Variants in VPS13B observed in about 807,000 individuals in gnomAD.
The protein encoded by VPS13B is intermembrane lipid transfer protein VPS13B.
A neutral mutation model predicts 426.4 loss-of-function variants in VPS13B; 285 were observed. That is an observed-to-expected ratio of 0.67 (90% CI 0.61 to 0.74). The LOEUF (loss-of-function observed/expected upper bound fraction) is 0.74. Ranked by LOEUF, VPS13B falls within the 30% of genes least tolerant of loss-of-function variation. The probability of loss-of-function intolerance (pLI) is 0.00; values close to 1 mark genes in which losing one functional copy is unlikely to be tolerated. For missense variants in VPS13B, 4,537 were observed against 4,782.6 expected, an observed-to-expected ratio of 0.95 and a Z score of 1.51; for synonymous variants, 1,676 against 1,676.4, an observed-to-expected ratio of 1.00 and a Z score of 0.01.
In VPS13B at chr8:99,848,826, G is replaced by T; in HGVS notation, c.9993G>T (p.Gln3331His). Residue 3331 changes from glutamine (Q) to histidine (H), a missense_variant, in exon 55 of 62, where the codon CAG (glutamine) becomes CAT (histidine). Around this residue, in one of 2 missense-constraint regions of VPS13B, gnomAD observed 4,311 missense variants for 4,474.3 expected, o/e 0.96. Transcript: ENST00000357162. ...ATGTGTATGTGGATGTTGTACATCA[G>T]TGTGGCACAGTCTTCATCACTGTGG... is the stretch of plus-strand genomic sequence containing the variant. ...FGYVYVDVVHQCGTVFITVAP... is the reference protein window; with the variant it reads ...FGYVYVDVVHHCGTVFITVAP... 1 of 1,614,128 alleles carries T rather than the reference G, an allele frequency of 6.2e-7. No homozygotes were observed. The highest frequency in any genetic ancestry group is 8.5e-7 in the Non-Finnish European group (1 of 1,180,006).
intron 14 of VPS13B, among the ~76,000 whole-genome samples, chr8:99,155,861 C>T (rs938273766): frequency 1.3e-5 from 2 of 152,168 alleles, no homozygotes; most frequent in Admixed American, 1.3e-4. Flanking sequence ...TTGAGAACCA[C>T]AGGTAGAGCA....
At chr8:99,474,640 G>GA (rs1250022561) in intron 24 of VPS13B, among the ~76,000 whole-genome samples, 3 of 152,072 alleles carry the variant, frequency 2.0e-5, no homozygotes, top group Non-Finnish European at 4.4e-5. Flanking sequence ...ATTATCAGGG[G>GA]AAAAACGTCA....
chr8:99,594,429 A>T (rs1826885535), intron 33 of VPS13B, among the ~76,000 whole-genome samples: 1 of 151,970 alleles, frequency 6.6e-6, no homozygotes, highest in South Asian at 2.1e-4. Flanking sequence ...ATTGTTATAT[A>T]ATAAGAACTC....
At chr8:99,214,433 A>G (rs571332054) in intron 17 of VPS13B, among the ~76,000 whole-genome samples, 2 of 152,330 alleles carry the variant, frequency 1.3e-5, no homozygotes, top group South Asian at 2.1e-4. Context: ...CTTAATAAAA[A>G]TTAACATACT....
chr8:99,067,936 G>A (rs1844627314), intron 3 of VPS13B, among the ~76,000 whole-genome samples: 1 of 151,926 alleles, frequency 6.6e-6, no homozygotes, highest in African/African-American at 2.4e-5. Flanking sequence ...TTCCTCCCAT[G>A]CTCCCATTGT....
chr8:99,765,122 T>C (rs1483844696), intron 39 of VPS13B, among the ~76,000 whole-genome samples: 1 of 152,122 alleles, frequency 6.6e-6, no homozygotes, highest in Non-Finnish European at 1.5e-5. Flanking sequence ...GGTGCATGCC[T>C]GTAATCCCAG....
chr8:99,614,464 A>T (rs1233836398), intron 33 of VPS13B, among the ~76,000 whole-genome samples: 3 of 151,908 alleles, frequency 2.0e-5, no homozygotes, highest in Non-Finnish European at 4.4e-5. Flanking sequence ...TTTAAGAGAG[A>T]TGGGGTTTCT....
At chr8:99,031,089 C>T (rs915208787) in intron 2 of VPS13B, among the ~76,000 whole-genome samples, 4 of 151,674 alleles carry the variant, frequency 2.6e-5, no homozygotes, top group African/African-American at 7.3e-5. Context: ...TTCCAAGAAC[C>T]CACTGATGAT....
chr8:99,580,338 ATATTTCT>A lies in VPS13B; in HGVS notation c.5220+2707_5220+2713del, dbSNP rs1362301375. On this transcript the variant is annotated intron_variant, in intron 33 of 61. Coordinates refer to ENST00000357162, the MANE Select transcript of VPS13B (RefSeq NM_152564.5). ...TATATAACATTAAATATATATATAT[ATATTTCT>A]TTTCTTTTCTTTTCTTTTCTTTTGT... Among the ~76,000 whole-genome samples, 156 of 148,444 alleles carry A rather than the reference ATATTTCT, an allele frequency of 1.1e-3. 1 individual carries two copies. The highest frequency in any genetic ancestry group is 1.7e-3 in the South Asian group (8 of 4,746).
At chr8:99,192,833 A>G in intron 16 of VPS13B, 43 bp from the exon 17 acceptor site, 1 of 1,605,538 alleles carries the variant, frequency 6.2e-7, no homozygotes, top group Non-Finnish European at 8.5e-7. Flanking sequence ...TTGTCTGTAA[A>G]TGCTATTTAC....
At chr8:99,324,307 T>C (rs2291547) in intron 19 of VPS13B, among the ~76,000 whole-genome samples, 38,576 of 152,198 alleles carry the variant, frequency 0.25, 5,965 homozygotes, top group South Asian at 0.46. Flanking sequence ...ATTAACCTTT[T>C]TATTCTTTTC....
chr8:99,310,841 TTTC>T (rs1255103439), intron 19 of VPS13B, among the ~76,000 whole-genome samples: 4 of 152,336 alleles, frequency 2.6e-5, no homozygotes, highest in African/African-American at 7.2e-5. Flanking sequence ...ATTGCCTCAA[TTTC>T]AGAACCTGTT....
At chr8:99,707,800 G>A (rs1240470071) in intron 36 of VPS13B, among the ~76,000 whole-genome samples, 1 of 152,104 alleles carries the variant, frequency 6.6e-6, no homozygotes, top group Admixed American at 6.6e-5. Flanking sequence ...GAGGTTAAGC[G>A]GTTTGCCCAG....
At chr8:99,454,517 G>A (rs1433530365) in intron 23 of VPS13B, among the ~76,000 whole-genome samples, 1 of 152,096 alleles carries the variant, frequency 6.6e-6, no homozygotes, top group Non-Finnish European at 1.5e-5. Context: ...GGATGTACTA[G>A]AGTTTATCCA....
chr8:99,549,952 T>TC (rs1290260908), intron 30 of VPS13B, among the ~76,000 whole-genome samples: 2 of 152,100 alleles, frequency 1.3e-5, no homozygotes, highest in Non-Finnish European at 2.9e-5. Context: ...GGGTCAGGTG[T>TC]CCCTTCTATG....
rs981532314 is a variant in VPS13B at position 99,312,377 on chromosome 8, C to G, written c.2824+37123C>G. 3.9e-5 allele frequency among the ~76,000 whole-genome samples: 6 copies of G among 152,302 alleles called. No individual in the cohort carries two copies. The East Asian group carries it at 1.2e-3, about 29-fold the overall frequency. On this transcript the variant is annotated intron_variant, in intron 19 of 61. Transcript: ENST00000357162. ...AGGGCAGGCCTGGTGGTGACAAAAT[C>G]TCTCAGCATTTGCTTGTCTGTAAAG...
intron 19 of VPS13B, among the ~76,000 whole-genome samples, chr8:99,295,808 C>T (rs982520919): frequency 6.6e-6 from 1 of 152,232 alleles, no homozygotes; most frequent in Admixed American, 6.5e-5. Context: ...ATAAGGATTG[C>T]TTGAGCCCAG....
Position 99,528,779 on chromosome 8 carries a change from A to C in VPS13B, c.4745+7769A>C, listed in dbSNP as rs528464392. On this transcript the variant is annotated intron_variant, in intron 30 of 61. Coordinates refer to ENST00000357162, the MANE Select transcript of VPS13B (RefSeq NM_152564.5). ...CACAAAGGAATAGAGAAAAGTGTTC[A>C]TAAATTTCATTCAAGTTTTTTTCTT... 7.2e-5 allele frequency among the ~76,000 whole-genome samples: 11 copies of C among 152,288 alleles called. No individual in the cohort carries two copies. In the East Asian group the frequency reaches 2.1e-3, roughly 29 times the overall value.
In VPS13B at chr8:99,685,414, G is replaced by C. The variant is rs76807738; in HGVS notation, c.6047-14111G>C. Among the ~76,000 whole-genome samples the C allele has an allele frequency of 9.9e-3, 1,508 of 152,234 alleles. 32 individuals are homozygous for C. The highest frequency in any genetic ancestry group is 0.035 in the African/African-American group (1,445 of 41,550). ...TTAGTTGGCCTGGGTTCTAATCTGGGGGCTCCTGGAAAGAATCTACTTTCA... is the reference window on the plus strand; with the variant it reads ...TTAGTTGGCCTGGGTTCTAATCTGGCGGCTCCTGGAAAGAATCTACTTTCA... On this transcript the variant is annotated intron_variant, in intron 35 of 61. Coordinates refer to ENST00000357162, the MANE Select transcript of VPS13B (RefSeq NM_152564.5).
Sources: gnomAD v4.1 joint callset for allele counts (sites outside exome capture counted in the v4.1 genomes callset) on GRCh38, gnomAD v4.1.1 for gene constraint, gnomAD v4.1.1 regional missense constraint, MANE v1.5 for transcripts, NCBI Gene and HGNC (gene_info 2026-07-23, HGNC 2026-07-21) for gene names.